Variants in CDKAL1 observed in about 807,000 individuals in gnomAD.
CDKAL1 encodes the protein threonylcarbamoyladenosine tRNA methylthiotransferase.
A neutral mutation model predicts 68.2 loss-of-function variants in CDKAL1; 32 were observed. The observed-to-expected ratio is 0.47, with a 90% CI of 0.35 to 0.63. The LOEUF is 0.63. CDKAL1 is among the 30% of genes least tolerant of loss of function. The probability of loss-of-function intolerance (pLI) is 0.00; values close to 1 mark genes in which losing one functional copy is unlikely to be tolerated. For synonymous variants in CDKAL1, 234 were observed against 244.3 expected, an observed-to-expected ratio of 0.96 and a Z score of 0.39; for missense variants, 606 against 696.7, an observed-to-expected ratio of 0.87 and a Z score of 1.47.
At chr6:20,804,637 T>TGCTGCAGTGGCAGAATTGAGCA (rs1776491383) in intron 8 of CDKAL1, among the ~76,000 whole-genome samples, 1 of 152,202 alleles carries the variant, frequency 6.6e-6, no homozygotes, top group African/African-American at 2.4e-5. Context: ...ACTGGTTTCA[T>TGCTGCAGTGGCAGAATTGAGCA]GCTGCAGTGG....
intron 4 of CDKAL1, among the ~76,000 whole-genome samples, chr6:20,640,354 G>C (rs769823179): frequency 6.6e-6 from 1 of 152,204 alleles, no homozygotes; most frequent in Middle Eastern, 3.2e-3. Flanking sequence ...TGTTGTGTAA[G>C]ATAAAGGTTT....
intron 13 of CDKAL1, among the ~76,000 whole-genome samples, chr6:21,143,820 G>T (rs1467087308): frequency 6.6e-6 from 1 of 152,144 alleles, no homozygotes; most frequent in African/African-American, 2.4e-5. Flanking sequence ...TGTGTCTCAA[G>T]GGACCCTAGT....
At chr6:21,089,670 C>T (rs1454111759) in intron 12 of CDKAL1, among the ~76,000 whole-genome samples, 1 of 152,130 alleles carries the variant, frequency 6.6e-6, no homozygotes, top group Non-Finnish European at 1.5e-5. Flanking sequence ...GCTACACAAA[C>T]ACCTTCAAAA....
intron 5 of CDKAL1, among the ~76,000 whole-genome samples, chr6:20,670,531 T>G (rs1181739949): frequency 3.9e-5 from 6 of 152,178 alleles, no homozygotes; most frequent in African/African-American, 1.2e-4. Context: ...TTCCATTTAT[T>G]TATTTATTTT....
At chr6:20,818,676 T>C (rs1253239680) in intron 8 of CDKAL1, among the ~76,000 whole-genome samples, 5 of 151,140 alleles carry the variant, frequency 3.3e-5, no homozygotes, top group Non-Finnish European at 5.9e-5. Flanking sequence ...TAATCTTAAG[T>C]AAACATTTAA....
At chr6:20,597,224 G>A (rs185475904) in intron 4 of CDKAL1, among the ~76,000 whole-genome samples, 78 of 152,272 alleles carry the variant, frequency 5.1e-4, no homozygotes, top group South Asian at 1.2e-3. Context: ...TGCCTCCTGA[G>A]TTCATGCCAT....
intron 5 of CDKAL1, among the ~76,000 whole-genome samples, chr6:20,700,845 C>A (rs1267478790): frequency 1.3e-5 from 2 of 151,112 alleles, no homozygotes; most frequent in African/African-American, 4.9e-5. Context: ...CACTCAACAC[C>A]AAATGGTATA....
intron 5 of CDKAL1, among the ~76,000 whole-genome samples, chr6:20,649,583 G>C (rs1768653340): frequency 6.6e-6 from 1 of 152,014 alleles, no homozygotes; most frequent in African/African-American, 2.4e-5. Context: ...TTTACTTTAA[G>C]TTCTGGGGTA....
At chr6:20,909,134 T>A (rs1261749950) in intron 9 of CDKAL1, among the ~76,000 whole-genome samples, 2 of 152,124 alleles carry the variant, frequency 1.3e-5, no homozygotes, top group African/African-American at 4.8e-5. Flanking sequence ...TGTGTATGTG[T>A]GGTTTATGAT....
intron 6 of CDKAL1, among the ~76,000 whole-genome samples, chr6:20,754,820 CTTTTGTTGT>C (rs1311702783): frequency 6.6e-6 from 1 of 151,952 alleles, no homozygotes; most frequent in Non-Finnish European, 1.5e-5. Flanking sequence ...TTTATTTTTT[CTTTTGTTGT>C]TTTTGTTGTT....
intron 13 of CDKAL1, among the ~76,000 whole-genome samples, chr6:21,125,509 C>G (rs1228707699): frequency 1.3e-5 from 2 of 152,080 alleles, no homozygotes; most frequent in Non-Finnish European, 2.9e-5. Flanking sequence ...CCCGTCTCTA[C>G]TAAAAATACA....
intron 4 of CDKAL1, among the ~76,000 whole-genome samples, chr6:20,549,835 C>T (rs78287738): frequency 0.23 from 35,346 of 151,888 alleles, 4,832 homozygotes; most frequent in Middle Eastern, 0.36. Context: ...TCGAACTCCT[C>T]AGCTCAAGTG....
intron 9 of CDKAL1, among the ~76,000 whole-genome samples, chr6:20,865,717 T>C (rs1049909744): frequency 2.0e-5 from 3 of 152,168 alleles, no homozygotes; most frequent in African/African-American, 7.2e-5. Context: ...TTTAGAAATG[T>C]GCATAAAATG....
In CDKAL1 at chr6:20,677,235, T is replaced by C. The variant is rs376789598; in HGVS notation, c.371+27858T>C. Among the ~76,000 whole-genome samples, 50 of 151,780 alleles carry C rather than the reference T, an allele frequency of 3.3e-4. 2 individuals carry two copies. Among genetic ancestry groups the C allele is most frequent in the African/African-American group, 1.1e-3 (44 of 41,390 alleles). On this transcript the variant is annotated intron_variant, in intron 5 of 15. Transcript: ENST00000274695. ...ACAGACACCTGCCACCAGGCCTGGC[T>C]AATTTTTGTATTATTAGTAGAGATG...
chr6:20,994,041 C>T (rs1024202760), intron 10 of CDKAL1, among the ~76,000 whole-genome samples: 3 of 152,204 alleles, frequency 2.0e-5, no homozygotes, highest in African/African-American at 4.8e-5. Flanking sequence ...CCAAATCTGC[C>T]CTTCAGCTCA....
chr6:20,672,825 G>A (rs1039110670), intron 5 of CDKAL1, among the ~76,000 whole-genome samples: 1 of 151,956 alleles, frequency 6.6e-6, no homozygotes, highest in African/African-American at 2.4e-5. Context: ...TGCCCAGGCT[G>A]GACTGCAATG....
At chr6:21,088,713 G>T (rs146331018) in intron 12 of CDKAL1, among the ~76,000 whole-genome samples, 2 of 152,130 alleles carry the variant, frequency 1.3e-5, no homozygotes, top group African/African-American at 4.8e-5. Flanking sequence ...AGGCTGAGGA[G>T]GGTGGATCAT....
At chr6:20,799,069 T>TTTTTTTTTTG (rs70990069) in intron 8 of CDKAL1, among the ~76,000 whole-genome samples, 1 of 140,290 alleles carries the variant, frequency 7.1e-6, no homozygotes, top group Non-Finnish European at 1.5e-5. Flanking sequence ...TTTTTTTTTT[T>TTTTTTTTTTG]GAGACGGAGT....
At chr6:20,684,021 T>A (rs1770503319) in intron 5 of CDKAL1, among the ~76,000 whole-genome samples, 1 of 152,226 alleles carries the variant, frequency 6.6e-6, no homozygotes, top group Admixed American at 6.5e-5. Flanking sequence ...TTCCTCTATA[T>A]CTTTTCGCGT....
Sources: allele counts gnomAD v4.1 joint callset (sites outside exome capture counted in the v4.1 genomes callset), GRCh38; gene constraint gnomAD v4.1.1; transcripts MANE v1.5; gene names NCBI Gene and HGNC (gene_info 2026-07-23, HGNC 2026-07-21).